Variants in ACACA observed in about 807,000 individuals in gnomAD.
ACACA encodes acetyl-CoA carboxylase 1.
ACACA carries 103 observed loss-of-function variants against 296.1 expected under a neutral mutation model. That is an observed-to-expected ratio of 0.35 (90% CI 0.30 to 0.41). The LOEUF (loss-of-function observed/expected upper bound fraction) is 0.41. Among genes scored for constraint, ACACA ranks in the 10% least tolerant of loss-of-function variants. ACACA has a pLI of 1.00. For missense variants in ACACA, 1,554 were observed against 2,989.7 expected, an observed-to-expected ratio of 0.52 and a Z score of 11.20; for synonymous variants, 953 against 1,038.6, an observed-to-expected ratio of 0.92 and a Z score of 1.58.
At chr17:37,111,722 C>T (rs991658773) in intron 51 of ACACA, 79 bp from the exon 52 acceptor site, 2 of 1,055,244 alleles carry the variant, frequency 1.9e-6, no homozygotes, top group Admixed American at 3.5e-5. Context: ...AGGCCAGTTA[C>T]AATTTGTAGA....
chr17:37,149,555 G>A (rs866934487), intron 45 of ACACA, among the ~76,000 whole-genome samples: 2 of 152,154 alleles, frequency 1.3e-5, no homozygotes, highest in African/African-American at 2.4e-5. Flanking sequence ...TTTCTACAAC[G>A]ACACTAAAAC....
rs549944847 is a variant in ACACA, at chr17:37,260,162, G to A, written c.1330-632C>T. ...CTACCAAAGTGCTGGGATTACAGGC[G>A]TGAGCCACCATGCCTGGCCTGGTTA... On this transcript the variant is annotated intron_variant, in intron 11 of 55. Coordinates refer to ENST00000616317, the MANE Select transcript of ACACA (RefSeq NM_198834.3). Among the ~76,000 whole-genome samples, 8 of 147,066 alleles carry A rather than the reference G, an allele frequency of 5.4e-5. No individual in the cohort carries two copies. The East Asian group carries it at 1.6e-3, about 29-fold the overall frequency.
At chr17:37,162,337 T>C (rs929659710) in intron 41 of ACACA, among the ~76,000 whole-genome samples, 1 of 152,190 alleles carries the variant, frequency 6.6e-6, no homozygotes, top group East Asian at 1.9e-4. Flanking sequence ...AGGATACATG[T>C]GGAAGAATGC....
intron 41 of ACACA, among the ~76,000 whole-genome samples, chr17:37,170,993 A>G (rs1432484740): frequency 1.3e-5 from 2 of 152,240 alleles, no homozygotes; most frequent in Non-Finnish European, 2.9e-5. Context: ...TGTGGGAAGC[A>G]GAAAGAGAAT....
chr17:37,152,678 A>G (rs2076091610), intron 43 of ACACA, among the ~76,000 whole-genome samples: 1 of 152,126 alleles, frequency 6.6e-6, no homozygotes, highest in Non-Finnish European at 1.5e-5. Context: ...GAAATGGGAG[A>G]TGGGGAATGC....
At chr17:37,285,020 C>A in intron 3 of ACACA, 50 bp from the exon 4 acceptor site, 1 of 1,609,174 alleles carries the variant, frequency 6.2e-7, no homozygotes, top group South Asian at 1.1e-5. Context: ...TTCTGGAGAC[C>A]TGCTTTTCAC....
intron 39 of ACACA, among the ~76,000 whole-genome samples, chr17:37,184,236 A>G (rs2077440873): frequency 6.6e-6 from 1 of 152,124 alleles, no homozygotes; most frequent in South Asian, 2.1e-4. Context: ...AACTATCATC[A>G]CAAGCATGTG....
chr17:37,263,426 CTCT>C (rs940667452), intron 11 of ACACA, among the ~76,000 whole-genome samples: 51 of 152,162 alleles, frequency 3.4e-4, no homozygotes, highest in Non-Finnish European at 1.2e-4. Flanking sequence ...CAAAACATTT[CTCT>C]TCTTTATCCC....
intron 11 of ACACA, among the ~76,000 whole-genome samples, chr17:37,263,462 A>AT (rs931837767): frequency 1.3e-5 from 2 of 152,022 alleles, no homozygotes; most frequent in African/African-American, 4.8e-5. Flanking sequence ...TGGTACGCTG[A>AT]TTTTTTTTAG....
intron 10 of ACACA, among the ~76,000 whole-genome samples, chr17:37,264,321 AG>A (rs2081648059): frequency 6.6e-6 from 1 of 152,212 alleles, no homozygotes; most frequent in African/African-American, 2.4e-5. Context: ...TTTCATCTTT[AG>A]TTTTGAAGAA....
At chr17:37,120,399 G>A (rs999248601) in intron 50 of ACACA, among the ~76,000 whole-genome samples, 4 of 152,152 alleles carry the variant, frequency 2.6e-5, no homozygotes, top group Admixed American at 2.6e-4. Flanking sequence ...CCGGGTAGCT[G>A]GGACTACAAG....
At chr17:37,252,839 G>T in intron 15 of ACACA, 47 bp downstream of exon 15, 2 of 1,607,996 alleles carry the variant, frequency 1.2e-6, no homozygotes, top group Non-Finnish European at 1.7e-6. Context: ...GAGTACACAA[G>T]TCTATAAAAA....
intron 39 of ACACA, among the ~76,000 whole-genome samples, chr17:37,187,572 A>G (rs960911365): frequency 6.6e-6 from 1 of 152,236 alleles, no homozygotes; most frequent in Non-Finnish European, 1.5e-5. Context: ...GTAGTAAAAA[A>G]GATTAAAAGG....
intron 2 of ACACA, among the ~76,000 whole-genome samples, chr17:37,332,594 G>T (rs1024302267): frequency 8.1e-6 from 1 of 123,288 alleles, no homozygotes; most frequent in Non-Finnish European, 1.7e-5. Context: ...ATCAAAACAA[G>T]ATCCCATCTG....
At position 37,149,665 on chromosome 17, in the gene ACACA, A is replaced by G. The variant is rs544502334; in HGVS notation, c.5679+199T>C. 2.0e-5 allele frequency among the ~76,000 whole-genome samples: 3 copies of G among 152,354 alleles called. No homozygotes were observed. In the East Asian group the frequency reaches 5.8e-4, roughly 29 times the overall value. On this transcript the variant is annotated intron_variant, in intron 45 of 55. Coordinates refer to ENST00000616317, the MANE Select transcript of ACACA (RefSeq NM_198834.3). ...AAACAGTAAGTACTCAAAATAGTTGATAAATGAAATGAATGAATGAATGAA... is the reference window on the plus strand; with the variant it reads ...AAACAGTAAGTACTCAAAATAGTTGGTAAATGAAATGAATGAATGAATGAA...
intron 3 of ACACA, among the ~76,000 whole-genome samples, chr17:37,307,568 G>T (rs560696063): frequency 5.9e-5 from 9 of 152,010 alleles, no homozygotes; most frequent in African/African-American, 2.2e-4. Context: ...CTATTGTGTT[G>T]AATGTCTTTT....
intron 29 of ACACA, among the ~76,000 whole-genome samples, chr17:37,215,697 C>T (rs190833304): frequency 2.6e-5 from 4 of 152,194 alleles, no homozygotes; most frequent in African/African-American, 9.6e-5. Context: ...CAGGATGATG[C>T]TTCAGTGTAA....
At chr17:37,149,750 G>C (rs2075961127) in intron 45 of ACACA, 114 bp downstream of exon 45, 4 of 899,326 alleles carry the variant, frequency 4.4e-6, no homozygotes, top group Non-Finnish European at 5.6e-6. Flanking sequence ...GGAAGAGATA[G>C]ACTGAGGAAG....
At chr17:37,391,976 C>T in intron 1 of ACACA, 1 of 503,752 alleles carries the variant, frequency 2.0e-6, no homozygotes, top group Non-Finnish European at 3.5e-6. Context: ...CAAACGAGAA[C>T]AAAAAGTATT....
Sources: gnomAD v4.1 joint callset for allele counts (sites outside exome capture counted in the v4.1 genomes callset) on GRCh38, gnomAD v4.1.1 for gene constraint, MANE v1.5 for transcripts, NCBI Gene and HGNC (gene_info 2026-07-23, HGNC 2026-07-21) for gene names.